HCN4: variants seen among roughly 807,000 people sequenced by gnomAD.
HCN4 encodes the protein potassium/sodium hyperpolarization-activated cyclic nucleotide-gated channel 4.
Under a neutral mutation model 76.9 loss-of-function variants are expected in HCN4, and 29 were observed. The observed-to-expected ratio is 0.38, with a 90% CI of 0.28 to 0.51. The LOEUF is 0.51. HCN4 is among the 20% of genes least tolerant of loss of function. The pLI, the probability that HCN4 is intolerant of heterozygous loss-of-function variation, is 0.90. For missense variants in HCN4, 1,416 were observed against 1,715.2 expected (o/e 0.83, Z 3.08); for synonymous variants, 772 against 762.5 (o/e 1.01, Z -0.21).
chr15:73,339,908 G>A (rs2042990147), intron 2 of HCN4, among the ~76,000 whole-genome samples: 1 of 152,210 alleles, frequency 6.6e-6, no homozygotes, highest in African/African-American at 2.4e-5. Context: ...TGGCCAGTGT[G>A]CCCGGCAGAA....
At chr15:73,336,117 T>C (rs1476339659) in intron 2 of HCN4, among the ~76,000 whole-genome samples, 6 of 152,056 alleles carry the variant, frequency 3.9e-5, no homozygotes, top group Non-Finnish European at 7.4e-5. Flanking sequence ...GTAGAGAGGC[T>C]GGTCCAGGCT....
intron 1 of HCN4, among the ~76,000 whole-genome samples, chr15:73,355,811 T>C (rs11629605): frequency 0.076 from 11,569 of 152,144 alleles, 526 homozygotes; most frequent in Admixed American, 0.11. Context: ...GACATCTGCT[T>C]CACAGTGCTC....
chr15:73,335,036 C>T (rs2042955173), intron 2 of HCN4, among the ~76,000 whole-genome samples: 2 of 152,034 alleles, frequency 1.3e-5, no homozygotes, highest in Non-Finnish European at 2.9e-5. Context: ...GAGAAGGCGG[C>T]CGTCTACAAG....
chr15:73,354,819 T>C (rs964789348), intron 1 of HCN4, among the ~76,000 whole-genome samples: 1 of 152,172 alleles, frequency 6.6e-6, no homozygotes, highest in African/African-American at 2.4e-5. Flanking sequence ...GCCATTAAGA[T>C]GCAGGTCCTG....
Position 73,343,949 on chromosome 15 carries a change from A to AG in HCN4, c.786-142dup, listed in dbSNP as rs2043019216. The AG allele has an allele frequency of 1.2e-6, 1 of 808,498 alleles. No homozygotes were observed. The highest frequency in any genetic ancestry group is 1.7e-5 in the African/African-American group (1 of 59,330). The allele number at this position is 808,498 out of a possible 1,614,324, so 50.1% of individuals were successfully genotyped here. A position where few individuals can be genotyped will look rare whatever the true frequency, so the allele number is the denominator to read the frequency against. Reference sequence around the variant, plus strand: ...ACAGGAAGACAGGCACATGGGTACCAGGGCAAGATGTGGAGATTGGCACAG... The same window carrying AG: ...ACAGGAAGACAGGCACATGGGTACCAGGGGCAAGATGTGGAGATTGGCACAG... On this transcript the variant is annotated intron_variant, in intron 1 of 7. Coordinates refer to ENST00000261917, the MANE Select transcript of HCN4 (RefSeq NM_005477.3). This position sits in a 1 kb window ranked among gnomAD's most constrained non-coding sequence, Gnocchi z 5.7.
chr15:73,333,779 A>G (rs948961363), intron 2 of HCN4, among the ~76,000 whole-genome samples: 3 of 152,194 alleles, frequency 2.0e-5, no homozygotes, highest in Non-Finnish European at 2.9e-5. Flanking sequence ...ATGAAATTCC[A>G]CAGCCATCCT....
rs1555475400 is a variant in HCN4, at chr15:73,323,894, G to C, written c.2199C>G (p.Val733=). ...TGATCTCATTCTCCTGGTAGTTGAA[G>C]ACGCCGGAGTTGAGGTCGTGCTGGA... ...HKVQHDLNSG[V]FNYQENEIIQ... Residue 733 remains valine, a synonymous_variant, in exon 8 of 8, where the codon GTC becomes GTG. Transcript: ENST00000261917. 1 of 1,603,880 alleles carries C rather than the reference G, an allele frequency of 6.2e-7. No individual in the cohort carries two copies. The highest frequency in any genetic ancestry group is 8.5e-7 in the Non-Finnish European group (1 of 1,179,952).
intron 1 of HCN4, among the ~76,000 whole-genome samples, chr15:73,349,238 C>T (rs1478077787): frequency 1.3e-5 from 2 of 152,126 alleles, no homozygotes; most frequent in East Asian, 1.9e-4. Flanking sequence ...AAGATCCTGA[C>T]ACTGAAAACA....
intron 1 of HCN4, among the ~76,000 whole-genome samples, chr15:73,357,676 A>C (rs1043560781): frequency 1.3e-5 from 2 of 152,052 alleles, no homozygotes; most frequent in Non-Finnish European, 2.9e-5. Context: ...CCTGGCCTCC[A>C]TCCACGGAGG....
intron 2 of HCN4, among the ~76,000 whole-genome samples, chr15:73,338,385 T>G (rs1050962621): frequency 2.0e-5 from 3 of 152,246 alleles, no homozygotes; most frequent in African/African-American, 7.2e-5. Context: ...CACATGGAAC[T>G]TGGGGAAGCC....
intron 2 of HCN4, among the ~76,000 whole-genome samples, chr15:73,339,037 C>A (rs1237945867): frequency 6.6e-6 from 1 of 152,230 alleles, no homozygotes; most frequent in African/African-American, 2.4e-5. Flanking sequence ...CCCCAGCTGG[C>A]CTTCTGCCTC....
intron 1 of HCN4, among the ~76,000 whole-genome samples, chr15:73,347,805 C>T (rs2151222364): frequency 6.6e-6 from 1 of 152,266 alleles, no homozygotes; most frequent in African/African-American, 2.4e-5. Context: ...GAATTAGGGG[C>T]CCTAGTCTCT....
intron 1 of HCN4, among the ~76,000 whole-genome samples, chr15:73,349,438 A>G (rs1220830849): frequency 6.6e-6 from 1 of 152,072 alleles, no homozygotes; most frequent in East Asian, 1.9e-4. Flanking sequence ...GAGATTTGCC[A>G]TATATGGTGG....
intron 4 of HCN4, among the ~76,000 whole-genome samples, chr15:73,327,036 T>G (rs2042904353): frequency 6.6e-6 from 1 of 151,876 alleles, no homozygotes; most frequent in African/African-American, 2.4e-5. Context: ...ATCAGCTCGC[T>G]TCAGCCTCTC....
chr15:73,359,002 C>T (rs1352230504), intron 1 of HCN4, among the ~76,000 whole-genome samples: 1 of 152,182 alleles, frequency 6.6e-6, no homozygotes, highest in African/African-American at 2.4e-5. Context: ...TGCCTCTCTC[C>T]AAGCCCAGAG....
chr15:73,322,914 G>A lies in HCN4; in HGVS notation c.3179C>T (p.Pro1060Leu), dbSNP rs764262532. The A allele has an allele frequency of 1.4e-6, 2 of 1,402,632 alleles. No individual in the cohort carries two copies. Among genetic ancestry groups the A allele is most frequent in the African/African-American group, 1.4e-5 (1 of 69,936 alleles). 86.9% of individuals were successfully genotyped at this position (1,402,632 alleles called of 1,614,324 possible). The change falls in exon 8 of 8, where the codon CCC becomes CTC. Residue 1060 changes from proline to leucine, a missense_variant. Pro to Leu is a moderately conservative substitution (Grantham distance 98). Around this residue, in one of 6 missense-constraint regions of HCN4, gnomAD observed 633 missense variants for 579.8 expected, o/e 1.09. Coordinates refer to ENST00000261917, the MANE Select transcript of HCN4 (RefSeq NM_005477.3). ...GSLLLPPASS[P>L]PPPQVPQRRG... ...GCGCTGGGGGACCTGGGGTGGTGGG[G>A]GGCTGGATGCAGGTGGCAGGAGCAA... is the stretch of plus-strand genomic sequence containing the variant.
In HCN4 at chr15:73,367,931, C is replaced by T. The variant is rs1029095969; in HGVS notation, c.340G>A (p.Gly114Arg). ...GSRGGGSGGT[G>R]SGSSHGHLHD... ...AGGTGTCCGTGACTGCTGCCGCTCC[C>T]CGTGCCGCCGCTGCCGCCGCCCCGG... Residue 114 changes from glycine to arginine, a missense_variant, in exon 1 of 8, where the codon GGG becomes AGG. Gly to Arg is a moderately radical substitution (Grantham distance 125). Transcript: ENST00000261917. This position sits in a 1 kb window ranked among gnomAD's most constrained non-coding sequence, Gnocchi z 7.5. 29 of 1,367,188 alleles carry T rather than the reference C, an allele frequency of 2.1e-5. No homozygotes were observed. Among genetic ancestry groups the T allele is most frequent in the Non-Finnish European group, 2.7e-5 (29 of 1,063,926 alleles). 84.7% of individuals were successfully genotyped at this position (1,367,188 alleles called of 1,614,324 possible).
chr15:73,325,824 C>T lies in HCN4; in HGVS notation c.1591-380G>A, dbSNP rs987641032. ...GGACAGGGAGGCCTCACCGACTCTG[C>T]GGGGAAAGAAGCTGTTTCCTCCCAG... On this transcript the variant is annotated intron_variant, in intron 4 of 7. Transcript: ENST00000261917. The surrounding 1 kb of genome is among the most constrained non-coding windows in gnomAD (Gnocchi z 7.4). Among the ~76,000 whole-genome samples the T allele has an allele frequency of 6.6e-5, 10 of 152,204 alleles. No individual in the cohort carries two copies. Among genetic ancestry groups the T allele is most frequent in the African/African-American group, 2.4e-4 (10 of 41,524 alleles).
chr15:73,341,362 G>A (rs542525860), intron 2 of HCN4, among the ~76,000 whole-genome samples: 2 of 152,002 alleles, frequency 1.3e-5, no homozygotes, highest in African/African-American at 4.8e-5. Context: ...GGCTGGTTTT[G>A]AACTCCTGGC....
Sources: allele counts gnomAD v4.1 joint callset (sites outside exome capture counted in the v4.1 genomes callset), GRCh38; gene constraint gnomAD v4.1.1; regional missense constraint gnomAD v4.1.1; non-coding constraint Gnocchi (gnomAD v3.1); transcripts MANE v1.5; gene names NCBI Gene and HGNC (gene_info 2026-07-23, HGNC 2026-07-21).